CNTNAP2: variants seen among roughly 807,000 people sequenced by gnomAD.
CNTNAP2 encodes the protein contactin associated protein 2.
CNTNAP2 carries 98 observed loss-of-function variants against 155.2 expected under a neutral mutation model. The observed-to-expected ratio is 0.63, with a 90% confidence interval of 0.54 to 0.75. The LOEUF (loss-of-function observed/expected upper bound fraction) is 0.75, where lower values mean the gene tolerates loss of function less well. Among genes scored for constraint, CNTNAP2 ranks in the 30% least tolerant of loss-of-function variants. The pLI, the probability that CNTNAP2 is intolerant of heterozygous loss-of-function variation, is 0.00. For missense variants in CNTNAP2, 1,727 were observed against 1,688.1 expected (o/e 1.02, Z -0.40); for synonymous variants, 651 against 631.2 (o/e 1.03, Z -0.47).
intron 1 of CNTNAP2, among the ~76,000 whole-genome samples, chr7:146,159,835 A>G (rs1192933643): frequency 3.3e-5 from 5 of 152,174 alleles, no homozygotes; most frequent in Non-Finnish European, 5.9e-5. Context: ...GATCAATGAG[A>G]CAGAAAGTTA....
At chr7:147,596,535 C>A (rs1563014240) in intron 12 of CNTNAP2, among the ~76,000 whole-genome samples, 1 of 152,136 alleles carries the variant, frequency 6.6e-6, no homozygotes, top group East Asian at 1.9e-4. Flanking sequence ...ATCCACACTC[C>A]TTCTCGGGGT....
At chr7:148,177,750 C>T (rs1004030625) in intron 18 of CNTNAP2, among the ~76,000 whole-genome samples, 2 of 152,130 alleles carry the variant, frequency 1.3e-5, no homozygotes, top group African/African-American at 4.8e-5. Flanking sequence ...GGCAAGACTC[C>T]CTTTCCTTTC....
At chr7:147,974,162 G>A (rs1181107216) in intron 14 of CNTNAP2, among the ~76,000 whole-genome samples, 1 of 152,158 alleles carries the variant, frequency 6.6e-6, no homozygotes, top group East Asian at 1.9e-4. Flanking sequence ...ATGAGAGTGT[G>A]TAGATATGTG....
intron 13 of CNTNAP2, among the ~76,000 whole-genome samples, chr7:147,720,600 A>C (rs1796551171): frequency 6.6e-6 from 1 of 152,064 alleles, no homozygotes; most frequent in Admixed American, 6.6e-5. Flanking sequence ...GGTGGAGGTA[A>C]TTGAATCATG....
At chr7:147,877,727 T>G (rs573150738) in intron 13 of CNTNAP2, among the ~76,000 whole-genome samples, 3 of 152,290 alleles carry the variant, frequency 2.0e-5, no homozygotes, top group Admixed American at 6.5e-5. Flanking sequence ...TGTGTCTGGT[T>G]TTTTTTCATT....
chr7:146,823,735 A>G (rs1021867964), intron 2 of CNTNAP2, among the ~76,000 whole-genome samples: 1 of 140,024 alleles, frequency 7.1e-6, no homozygotes, highest in African/African-American at 3.3e-5. Flanking sequence ...TAGTTGAGTC[A>G]GTATTATATC....
At chr7:148,080,548 C>T (rs545096856) in intron 15 of CNTNAP2, among the ~76,000 whole-genome samples, 14 of 144,932 alleles carry the variant, frequency 9.7e-5, no homozygotes, top group Admixed American at 3.6e-4. Context: ...GAGCTTGCAG[C>T]GAGCCGAGAT....
At chr7:147,628,275 G>A (rs1401598371) in intron 12 of CNTNAP2, among the ~76,000 whole-genome samples, 4 of 152,184 alleles carry the variant, frequency 2.6e-5, no homozygotes, top group Admixed American at 2.0e-4. Context: ...CAGATTAATA[G>A]CAGAATTATC....
At chr7:147,736,626 T>G (rs1421250269) in intron 13 of CNTNAP2, among the ~76,000 whole-genome samples, 1 of 152,038 alleles carries the variant, frequency 6.6e-6, no homozygotes, top group East Asian at 1.9e-4. Flanking sequence ...TTTTCCAACT[T>G]GGTTCCATTC....
chr7:147,206,401 A>G (rs2116561448), intron 8 of CNTNAP2, among the ~76,000 whole-genome samples: 1 of 152,150 alleles, frequency 6.6e-6, no homozygotes, highest in East Asian at 1.9e-4. Context: ...CCAATCTACT[A>G]AAAATACAAA....
intron 1 of CNTNAP2, among the ~76,000 whole-genome samples, chr7:146,333,988 A>T (rs1250554832): frequency 6.6e-6 from 1 of 152,200 alleles, no homozygotes; most frequent in East Asian, 1.9e-4. Flanking sequence ...CTGATCCATG[A>T]CTAGGAAGAA....
chr7:148,105,052 T>C (rs1289947133), intron 15 of CNTNAP2, among the ~76,000 whole-genome samples: 3 of 152,166 alleles, frequency 2.0e-5, no homozygotes, highest in Non-Finnish European at 4.4e-5. Context: ...GTTAGAAATA[T>C]ATAGAAAGCA....
chr7:147,178,225 C>T (rs1376694164), intron 8 of CNTNAP2, among the ~76,000 whole-genome samples: 2 of 152,086 alleles, frequency 1.3e-5, no homozygotes, highest in Admixed American at 6.6e-5. Flanking sequence ...AAAACGGAGA[C>T]TGTTTATTAT....
At chr7:148,064,170 T>C (rs987390754) in intron 15 of CNTNAP2, among the ~76,000 whole-genome samples, 2 of 152,152 alleles carry the variant, frequency 1.3e-5, no homozygotes, top group African/African-American at 2.4e-5. Context: ...ATGTAATGCC[T>C]CCAGATTTGT....
At chr7:147,615,417 T>C (rs1477536950) in intron 12 of CNTNAP2, among the ~76,000 whole-genome samples, 1 of 142,356 alleles carries the variant, frequency 7.0e-6, no homozygotes, top group East Asian at 2.2e-4. Flanking sequence ...CTAGGCAACA[T>C]AGTGAGAACC....
Position 146,610,160 on chromosome 7 carries a change from AGGTGGTACTT to A in CNTNAP2, c.98-164107_98-164098del, listed in dbSNP as rs750146780. ...CCGAATAATAATAATCATCATTTTC[AGGTGGTACTT>A]GGTAAATTTACAAACATGTAAACCT... is the stretch of plus-strand genomic sequence containing the variant. On this transcript the variant is annotated intron_variant, in intron 1 of 23. Transcript: ENST00000361727. 4.7e-4 allele frequency among the ~76,000 whole-genome samples: 71 copies of A among 152,244 alleles called. 2 individuals are homozygous for A. The highest frequency in any genetic ancestry group is 1.3e-4 in the Non-Finnish European group (9 of 68,046).
intron 1 of CNTNAP2, among the ~76,000 whole-genome samples, chr7:146,551,671 C>G (rs1313287937): frequency 6.6e-6 from 1 of 152,050 alleles, no homozygotes; most frequent in Non-Finnish European, 1.5e-5. Context: ...TGCCTTATCT[C>G]TTGTTATATA....
chr7:147,654,292 G>A (rs1041639965), intron 13 of CNTNAP2, among the ~76,000 whole-genome samples: 8 of 151,974 alleles, frequency 5.3e-5, no homozygotes, highest in East Asian at 1.9e-4. Context: ...TTTTGGCATC[G>A]GAATGTTCTA....
chr7:148,315,535 T>C (rs1330520206), intron 21 of CNTNAP2, among the ~76,000 whole-genome samples: 1 of 152,080 alleles, frequency 6.6e-6, no homozygotes, highest in Non-Finnish European at 1.5e-5. Flanking sequence ...ATGTCATGAG[T>C]TAAGGCAGGA....
Sources: allele counts gnomAD v4.1 joint callset (sites outside exome capture counted in the v4.1 genomes callset), GRCh38; gene constraint gnomAD v4.1.1; transcripts MANE v1.5; gene names NCBI Gene and HGNC (gene_info 2026-07-23, HGNC 2026-07-21).